CELF2: variants seen among roughly 807,000 people sequenced by gnomAD.
CELF2 encodes the protein CUGBP Elav-like family member 2, also known as CUG triplet repeat RNA-binding protein 2.
A neutral mutation model predicts 62.6 loss-of-function variants in CELF2; 8 were observed. The ratio of observed to expected loss-of-function variants is 0.13; its 90% CI spans 0.07 to 0.23. The LOEUF (loss-of-function observed/expected upper bound fraction) is 0.23. Ranked by LOEUF, CELF2 falls within the 10% of genes least tolerant of loss-of-function variation. The pLI, the probability that CELF2 is intolerant of heterozygous loss-of-function variation, is 1.00. For synonymous variants in CELF2, 258 were observed against 250.0 expected, an observed-to-expected ratio of 1.03 and a Z score of -0.30; for missense variants, 333 against 671.0, an observed-to-expected ratio of 0.50 and a Z score of 5.56.
At position 11,319,034 on chromosome 10, in the gene CELF2, G is replaced by T. The variant is rs563665023; in HGVS notation, c.1097-2155G>T. The T allele has an allele frequency of 3.9e-4, 186 of 470,966 alleles. 5 individuals carry two copies. The highest frequency in any genetic ancestry group is 2.8e-3 in the South Asian group (178 of 64,564). 29.2% of individuals were successfully genotyped at this position (470,966 alleles called of 1,614,324 possible). ...CAGCCCGTCCTCGTCTGGCAGCAAG[G>T]CCCCACATGGCTCTGCAGGCTGCGA... On this transcript the variant is annotated intron_variant, in intron 10 of 12. Transcript: ENST00000633077. The surrounding 1 kb of genome is among the most constrained non-coding windows in gnomAD (Gnocchi z 4.4).
the CELF2 span, among the ~76,000 whole-genome samples, chr10:10,714,949 A>G: frequency 1.3e-5 from 2 of 152,070 alleles, 1 homozygote; most frequent in South Asian, 4.1e-4. Flanking sequence ...CATACCAAAG[A>G]TTCATCGCAG....
intron 1 of CELF2, among the ~76,000 whole-genome samples, chr10:11,107,360 A>T (rs528120265): frequency 1.8e-4 from 27 of 152,110 alleles, no homozygotes; most frequent in Non-Finnish European, 3.5e-4. Flanking sequence ...GTTGATGTGG[A>T]CACCACACAC....
chr10:11,283,715 G>C (rs571468943), intron 8 of CELF2, among the ~76,000 whole-genome samples: 1 of 151,864 alleles, frequency 6.6e-6, no homozygotes, highest in African/African-American at 2.4e-5. Context: ...ATATGTCCTG[G>C]AGGGGGACTC....
chr10:11,083,263 C>T (rs1234008110), intron 1 of CELF2, among the ~76,000 whole-genome samples: 1 of 152,188 alleles, frequency 6.6e-6, no homozygotes, highest in African/African-American at 2.4e-5. Flanking sequence ...GACAGATGCT[C>T]ATGATTGGGG....
the CELF2 span, among the ~76,000 whole-genome samples, chr10:10,545,784 T>C: frequency 1.3e-5 from 2 of 152,276 alleles, no homozygotes; most frequent in Admixed American, 1.3e-4. Context: ...TCAACACTTT[T>C]AGGGTGATCG....
chr10:11,103,305 C>T (rs1041280353), intron 1 of CELF2, among the ~76,000 whole-genome samples: 1 of 151,130 alleles, frequency 6.6e-6, no homozygotes, highest in Admixed American at 6.6e-5. Flanking sequence ...GTAATTTTTG[C>T]TCCGATGCTT....
intron 1 of CELF2, among the ~76,000 whole-genome samples, chr10:11,144,900 GA>G (rs397846995): frequency 0.026 from 1,902 of 74,104 alleles, 31 homozygotes; most frequent in African/African-American, 0.086. Context: ...TCAGGAAACA[GA>G]AAAAAAAAAA....
the CELF2 span, among the ~76,000 whole-genome samples, chr10:10,610,947 C>T: frequency 1.3e-5 from 2 of 152,108 alleles, no homozygotes; most frequent in Admixed American, 1.3e-4. Context: ...AGTAAAATGA[C>T]CCCATGTGGC....
At chr10:10,526,021 C>G in the CELF2 span, among the ~76,000 whole-genome samples, 3 of 152,142 alleles carry the variant, frequency 2.0e-5, no homozygotes, top group African/African-American at 7.2e-5. Context: ...CTAACGGGTG[C>G]GAGGTGATAG....
the CELF2 span, among the ~76,000 whole-genome samples, chr10:10,741,117 A>G: frequency 7.2e-5 from 11 of 152,202 alleles, no homozygotes; most frequent in African/African-American, 2.7e-4. Context: ...ATAAAAAGTA[A>G]TGGATATGTT....
At chr10:11,201,064 C>T (rs1051545184) in intron 2 of CELF2, among the ~76,000 whole-genome samples, 1 of 152,212 alleles carries the variant, frequency 6.6e-6, no homozygotes, top group Non-Finnish European at 1.5e-5. Flanking sequence ...TTCTCTACAG[C>T]AGTTCACCAA....
At chr10:10,634,666 C>CTTTTTT in the CELF2 span, among the ~76,000 whole-genome samples, 2 of 140,982 alleles carry the variant, frequency 1.4e-5, no homozygotes, top group African/African-American at 2.6e-5. Flanking sequence ...CTTTTCTTTT[C>CTTTTTT]TTTTTTTTTT....
chr10:11,182,466 TTG>T (rs1417350406), intron 2 of CELF2, among the ~76,000 whole-genome samples: 1 of 152,210 alleles, frequency 6.6e-6, no homozygotes, highest in Non-Finnish European at 1.5e-5. Flanking sequence ...TTGCCCCTAG[TTG>T]TGATCCTAGA....
At position 10,997,089 on chromosome 10, in the gene CELF2, GCT is replaced by G. The variant is rs1235518897; in HGVS notation, c.89+77091_89+77092del. Among the ~76,000 whole-genome samples, 3 of 152,112 alleles carry G rather than the reference GCT, an allele frequency of 2.0e-5. No individual in the cohort carries two copies. Among genetic ancestry groups the G allele is most frequent in the Non-Finnish European group, 4.4e-5 (3 of 68,038 alleles). ...CTTTGGCCCTTCTCCTCTCTCTACA[GCT>G]GCTGCCTGGCAACATGGAATAGTGA... On this transcript the variant is annotated intron_variant, in intron 2 of 13. Transcript: ENST00000636488. The surrounding 1 kb of genome is among the most constrained non-coding windows in gnomAD (Gnocchi z 5.3).
At chr10:10,551,882 C>G in the CELF2 span, among the ~76,000 whole-genome samples, 1 of 152,176 alleles carries the variant, frequency 6.6e-6, no homozygotes, top group Non-Finnish European at 1.5e-5. Flanking sequence ...CATCTGAACT[C>G]TTGATAAACA....
intron 2 of CELF2, among the ~76,000 whole-genome samples, chr10:11,169,577 G>T (rs976069153): frequency 6.6e-6 from 1 of 152,032 alleles, no homozygotes. Context: ...GAGAAGGGAA[G>T]GCCACAAAGC....
the CELF2 span, among the ~76,000 whole-genome samples, chr10:10,594,742 C>T: frequency 2.6e-5 from 4 of 152,312 alleles, no homozygotes; most frequent in Non-Finnish European, 5.9e-5. Context: ...ATTCTCTCAA[C>T]CCTTAATTCT....
the CELF2 span, among the ~76,000 whole-genome samples, chr10:10,792,140 A>G: frequency 4.0e-5 from 6 of 151,516 alleles, no homozygotes; most frequent in Non-Finnish European, 8.8e-5. Context: ...TAGTAGCCAA[A>G]TCGGAAAATG....
At chr10:10,646,212 G>T in the CELF2 span, among the ~76,000 whole-genome samples, 2 of 152,132 alleles carry the variant, frequency 1.3e-5, no homozygotes, top group African/African-American at 4.8e-5. Context: ...AGTAGAGTCT[G>T]GAATGGGGAC....
Sources: gnomAD v4.1 joint callset for allele counts (sites outside exome capture counted in the v4.1 genomes callset) on GRCh38, gnomAD v4.1.1 for gene constraint, Gnocchi (gnomAD v3.1) non-coding constraint, MANE v1.5 for transcripts, NCBI Gene and HGNC (gene_info 2026-07-23, HGNC 2026-07-21) for gene names.